The following NLGN3 variants were observed in gnomAD, a reference collection of about 807,000 sequenced individuals.
The protein encoded by NLGN3 is neuroligin 3.
A neutral mutation model predicts 42.9 loss-of-function variants in NLGN3; 11 were observed. The ratio of observed to expected loss-of-function variants is 0.26; its 90% confidence interval spans 0.16 to 0.42. NLGN3 has a LOEUF of 0.42. Ranked by LOEUF, NLGN3 falls within the 10% of genes least tolerant of loss-of-function variation. NLGN3 has a pLI of 1.00. For missense variants in NLGN3, 374 were observed against 733.8 expected (o/e 0.51, Z 5.67); for synonymous variants, 279 against 312.7 (o/e 0.89, Z 1.14).
chrX:71,156,285 C>T (rs1189025966), intron 5 of NLGN3, among the ~76,000 whole-genome samples: 1 of 107,926 alleles, frequency 9.3e-6, no homozygotes, highest in African/African-American at 3.4e-5. Context: ...CCACTTTACA[C>T]ATCCACCTAC....
chrX:71,147,714 G>A lies in NLGN3; in HGVS notation c.-36G>A, dbSNP rs754660768. ...CTATTGGGCTGATGCTGTGACCCTG[G>A]AGTCTGCCTCTCCTGCCAGTCCCCC... On this transcript the variant is annotated 5_prime_UTR_variant, in exon 2 of 8. Coordinates refer to ENST00000358741, the MANE Select transcript of NLGN3 (RefSeq NM_181303.2). 1 of 1,143,607 alleles carries A rather than the reference G, an allele frequency of 8.7e-7. No homozygotes were observed. Among genetic ancestry groups the A allele is most frequent in the South Asian group, 1.9e-5 (1 of 53,648 alleles). The allele number at this position is 1,143,607 out of a possible 1,213,427, so 94.2% of individuals were successfully genotyped here.
chrX:71,168,821 A>AAAGAAAGAAAGAAAGAAAG (rs55840427), intron 7 of NLGN3, among the ~76,000 whole-genome samples: 23 of 69,352 alleles, frequency 3.3e-4, no homozygotes, highest in Non-Finnish European at 5.2e-4. Flanking sequence ...AGAGAAAAAA[A>AAAGAAAGAAAGAAAGAAAG]AAAGAAAGAA....
intron 1 of NLGN3, among the ~76,000 whole-genome samples, chrX:71,146,124 TTCTC>T (rs751338166): frequency 0.017 from 847 of 48,962 alleles, 12 homozygotes; most frequent in Non-Finnish European, 0.019. Context: ...TTCCTTTTTC[TTCTC>T]TCTCTCTCTC....
chrX:71,168,847 AAGAAAG>A (rs778445225), intron 7 of NLGN3, among the ~76,000 whole-genome samples: 126 of 90,043 alleles, frequency 1.4e-3, no homozygotes, highest in Non-Finnish European at 1.6e-3. Flanking sequence ...GAAAGAAAGA[AAGAAAG>A]AAAGAAAGAA....
intron 1 of NLGN3, among the ~76,000 whole-genome samples, chrX:71,145,800 G>A (rs749318206): frequency 1.0e-5 from 1 of 97,500 alleles, no homozygotes; most frequent in Non-Finnish European, 2.1e-5. Context: ...AGCACCGAGG[G>A]GGTTAATGTG....
chrX:71,172,359 C>T (rs989536066), downstream of NLGN3, among the ~76,000 whole-genome samples: 15 of 111,323 alleles, frequency 1.3e-4, no homozygotes, highest in African/African-American at 4.6e-4. Context: ...TCTAGTCCAA[C>T]CCATTTATTT....
chrX:71,169,156 C>T, intron 7 of NLGN3, 98 bp from the exon 8 acceptor site: 1 of 1,018,775 alleles, frequency 9.8e-7, no homozygotes, highest in Non-Finnish European at 1.4e-6. Context: ...GTGGGAAGTT[C>T]TAAACTGGGA....
At chrX:71,163,201 C>T (rs1432285788) in intron 5 of NLGN3, among the ~76,000 whole-genome samples, 1 of 110,751 alleles carries the variant, frequency 9.0e-6, no homozygotes, top group Non-Finnish European at 1.9e-5. Context: ...CATGTCTCCT[C>T]AGCAGCAAAT....
rs373899999 is a variant in NLGN3 at position 71,170,025 on chromosome X, C to T, written c.2475C>T (p.His825=). 5 of 1,207,254 alleles carry T rather than the reference C, an allele frequency of 4.1e-6. No individual in the cohort carries two copies. Among genetic ancestry groups the T allele is most frequent in the African/African-American group, 3.5e-5 (2 of 56,507 alleles). ...PNSLVGLQTL[H]PYNTFAAGFN... is the part of the protein sequence containing the mutation. ...CCCTGGTAGGGCTGCAGACATTGCA[C>T]CCCTATAACACCTTTGCCGCAGGGT... The change falls in exon 8 of 8, where the codon CAC becomes CAT. Residue 825 remains histidine, a synonymous_variant. Coordinates refer to ENST00000358741, the MANE Select transcript of NLGN3 (RefSeq NM_181303.2).
At chrX:71,150,377 T>C (rs950007316) in intron 3 of NLGN3, among the ~76,000 whole-genome samples, 3 of 111,229 alleles carry the variant, frequency 2.7e-5, no homozygotes, top group African/African-American at 9.8e-5. Flanking sequence ...TCCATTAGCC[T>C]GTAAATGAAT....
chrX:71,159,020 G>GCA (rs755737039), intron 5 of NLGN3, among the ~76,000 whole-genome samples: 34 of 110,796 alleles, frequency 3.1e-4, no homozygotes, highest in Non-Finnish European at 4.5e-4. Flanking sequence ...ATGCATGTGC[G>GCA]CACACACACA....
At chrX:71,171,251 C>A, downstream of NLGN3, 1 of 745,119 alleles carries the variant, frequency 1.3e-6, no homozygotes, top group Non-Finnish European at 1.6e-6. Context: ...GAACAGGGTG[C>A]CTCTGCGGGC....
At chrX:71,160,494 G>A (rs2092426489) in intron 5 of NLGN3, among the ~76,000 whole-genome samples, 1 of 112,121 alleles carries the variant, frequency 8.9e-6, no homozygotes, top group Admixed American at 9.4e-5. Context: ...TGGGATTACA[G>A]GCATGAGCCA....
intron 1 of NLGN3, 43 bp from the exon 2 acceptor site, chrX:71,147,506 CT>C (rs2092375069): frequency 4.6e-6 from 2 of 439,235 alleles, no homozygotes. Context: ...CTCTGTTGCC[CT>C]CCCAGACCAT....
Position 71,167,066 on chromosome X carries a change from G to C in NLGN3, c.969G>C (p.Val323=), listed in dbSNP as rs1278950021. 2 of 1,210,772 alleles carry C rather than the reference G, an allele frequency of 1.7e-6. No individual in the cohort carries two copies. Among genetic ancestry groups the C allele is most frequent in the African/African-American group, 3.5e-5 (2 of 57,881 alleles). The change falls in exon 7 of 8, where the codon GTG becomes GTC. Residue 323 remains valine (V), a synonymous_variant. Coordinates refer to ENST00000358741, the MANE Select transcript of NLGN3 (RefSeq NM_181303.2). ...GCTCTGCTCTGTCCAGCTGGGCTGT[G>C]AACTACCAACCAGTGAAGTACACCA... ...QSGSALSSWA[V]NYQPVKYTSL... is the part of the protein sequence containing the mutation.
chrX:71,167,609 C>T lies in NLGN3; in HGVS notation c.1512C>T (p.Tyr504=), dbSNP rs370222136. Residue 504 remains tyrosine, a synonymous_variant, in exon 7 of 8, where the codon TAC becomes TAT. Transcript: ENST00000358741. ...GCTACGGCTCGCCTACCTACTTCTA[C>T]GCCTTCTATCATCACTGCCAGAGCC... ...HARYGSPTYF[Y]AFYHHCQSLM... The T allele has an allele frequency of 5.9e-5, 71 of 1,208,897 alleles. No individual in the cohort carries two copies. The highest frequency in any genetic ancestry group is 6.7e-5 in the Non-Finnish European group (60 of 894,936).
Position 71,150,893 on chromosome X carries a change from A to G in NLGN3, c.517+1988A>G, listed in dbSNP as rs191837299. ...CAAACATGCACATTTACCAATCGTGATTGTTGACTGTGGGCAAGGCCATGT... is the reference window on the plus strand; with the variant it reads ...CAAACATGCACATTTACCAATCGTGGTTGTTGACTGTGGGCAAGGCCATGT... On this transcript the variant is annotated intron_variant, in intron 3 of 7. Transcript: ENST00000358741. Among the ~76,000 whole-genome samples the G allele has an allele frequency of 5.4e-5, 6 of 111,088 alleles. No homozygotes were observed. In the Admixed American group the frequency reaches 5.7e-4, roughly 11 times the overall value.
chrX:71,157,125 C>T (rs1216517154), intron 5 of NLGN3, among the ~76,000 whole-genome samples: 1 of 110,352 alleles, frequency 9.1e-6, no homozygotes, highest in Non-Finnish European at 1.9e-5. Context: ...GCTAAACCAG[C>T]AGTTAGGCGT....
In NLGN3 at chrX:71,147,819, C is replaced by CTCA. The variant is rs1569483552; in HGVS notation, c.71_73dup (p.Leu24_Thr25insIle). ...GCCCACGGTTGGCAGGAGCCTGTGC[C>CTCA]TCACCCTGTGGTTCCTCAGTTTGGC... is the stretch of plus-strand genomic sequence containing the variant. On this transcript the variant is annotated inframe_insertion, in exon 2 of 8. Coordinates refer to ENST00000358741, the MANE Select transcript of NLGN3 (RefSeq NM_181303.2). The CTCA allele has an allele frequency of 8.3e-7, 1 of 1,210,489 alleles. No homozygotes were observed. The highest frequency in any genetic ancestry group is 3.0e-5 in the East Asian group (1 of 33,778).
Sources: allele counts gnomAD v4.1 joint callset (sites outside exome capture counted in the v4.1 genomes callset), GRCh38; gene constraint gnomAD v4.1.1; transcripts MANE v1.5; gene names NCBI Gene and HGNC (gene_info 2026-07-23, HGNC 2026-07-21).